Variants in IQCJ observed in about 807,000 individuals in gnomAD.
IQCJ encodes the protein IQ motif containing J, also known as IQ domain-containing protein J.
IQCJ carries 9 observed loss-of-function variants against 11.0 expected under a neutral mutation model. That is an observed-to-expected ratio of 0.82 (90% CI 0.49 to 1.43). The LOEUF (loss-of-function observed/expected upper bound fraction) is 1.43, where lower values mean the gene tolerates loss of function less well. IQCJ is among the 40% of genes most tolerant of loss of function. The pLI is 0.00. For synonymous variants in IQCJ, 55 were observed against 51.3 expected (o/e 1.07, Z -0.31); for missense variants, 146 against 133.2 (o/e 1.10, Z -0.47).
chr3:159,110,768 G>C (rs763589135), intron 1 of IQCJ, among the ~76,000 whole-genome samples: 21 of 152,116 alleles, frequency 1.4e-4, no homozygotes, highest in Admixed American at 1.3e-3. Flanking sequence ...TGGCATAAAC[G>C]GGCCCAAGGA....
At position 159,069,372 on chromosome 3, in the gene IQCJ, TAC is replaced by T; in HGVS notation, c.-59_-58del. ...CATTGCGCTCTGTGATTCTGAGGAA[TAC>T]AGTGTGCCAGCATCCGATCCAGTCT... On this transcript the variant is annotated 5_prime_UTR_variant, in exon 1 of 4. Transcript: ENST00000397832. 1 of 1,583,902 alleles carries T rather than the reference TAC, an allele frequency of 6.3e-7. No homozygotes were observed. Among genetic ancestry groups the T allele is most frequent in the Non-Finnish European group, 8.6e-7 (1 of 1,168,394 alleles).
chr3:159,106,487 T>G (rs1315454414), intron 1 of IQCJ, among the ~76,000 whole-genome samples: 1 of 151,224 alleles, frequency 6.6e-6, no homozygotes, highest in Non-Finnish European at 1.5e-5. Flanking sequence ...CAAGAGAGAT[T>G]GAAGGAATGG....
intron 1 of IQCJ, among the ~76,000 whole-genome samples, chr3:159,167,236 T>G (rs975191443): frequency 1.4e-4 from 22 of 152,358 alleles, no homozygotes; most frequent in African/African-American, 4.8e-4. Flanking sequence ...TTTTATAACA[T>G]GAGTTTTCAT....
intron 1 of IQCJ, among the ~76,000 whole-genome samples, chr3:159,196,786 C>T (rs892881142): frequency 6.6e-6 from 1 of 152,078 alleles, no homozygotes; most frequent in Non-Finnish European, 1.5e-5. Flanking sequence ...TGTAACTTAC[C>T]CAATGTCACA....
chr3:159,190,135 G>A (rs1332200206), intron 1 of IQCJ, among the ~76,000 whole-genome samples: 35 of 152,138 alleles, frequency 2.3e-4, no homozygotes, highest in Admixed American at 2.3e-3. Context: ...CTAAGTACCA[G>A]TTCCCTGTGT....
chr3:159,265,873 C>T (rs1371943723), downstream of IQCJ: 5 of 153,914 alleles, frequency 3.2e-5, no homozygotes, highest in Non-Finnish European at 7.2e-5. Flanking sequence ...CACAGGAAAT[C>T]AGCTCACTAA....
chr3:159,106,687 G>T (rs142796512), intron 1 of IQCJ, among the ~76,000 whole-genome samples: 1 of 152,004 alleles, frequency 6.6e-6, no homozygotes, highest in East Asian at 1.9e-4. Flanking sequence ...CACTATCTAC[G>T]TAGAGTTAGT....
intron 1 of IQCJ, among the ~76,000 whole-genome samples, chr3:159,229,664 T>C (rs956237166): frequency 2.1e-5 from 3 of 142,094 alleles, no homozygotes; most frequent in Non-Finnish European, 4.6e-5. Context: ...TTTCATGCTT[T>C]CTGTGTTGTG....
chr3:159,229,339 G>T (rs1227633129), intron 1 of IQCJ, among the ~76,000 whole-genome samples: 1 of 152,032 alleles, frequency 6.6e-6, no homozygotes, highest in African/African-American at 2.4e-5. Context: ...CCATTGTCAT[G>T]CATATAACAG....
At chr3:159,242,708 C>T (rs1258334639) in intron 1 of IQCJ, among the ~76,000 whole-genome samples, 2 of 151,798 alleles carry the variant, frequency 1.3e-5, no homozygotes, top group Non-Finnish European at 2.9e-5. Flanking sequence ...ATTGACCATA[C>T]ACCTGAATGT....
At chr3:159,202,117 A>G (rs1182803958) in intron 1 of IQCJ, among the ~76,000 whole-genome samples, 1 of 152,146 alleles carries the variant, frequency 6.6e-6, no homozygotes, top group Non-Finnish European at 1.5e-5. Context: ...ACTCATGTGT[A>G]CATGTATGTA....
intron 1 of IQCJ, among the ~76,000 whole-genome samples, chr3:159,143,389 A>G (rs961991408): frequency 3.3e-5 from 5 of 152,192 alleles, no homozygotes; most frequent in African/African-American, 1.2e-4. Flanking sequence ...ACTACCCTAG[A>G]AGAATCTTTT....
downstream of IQCJ, among the ~76,000 whole-genome samples, chr3:159,264,162 A>G (rs1728373380): frequency 6.6e-6 from 1 of 152,230 alleles, no homozygotes; most frequent in Non-Finnish European, 1.5e-5. Flanking sequence ...ACCTTCTCAC[A>G]GCCCCAATTC....
At chr3:159,090,740 C>G (rs1280901199) in intron 1 of IQCJ, among the ~76,000 whole-genome samples, 1 of 151,848 alleles carries the variant, frequency 6.6e-6, no homozygotes, top group East Asian at 1.9e-4. Flanking sequence ...CCAGGCCTCT[C>G]CCTTGAAAGG....
chr3:159,075,344 AT>A (rs1322539220), intron 1 of IQCJ, among the ~76,000 whole-genome samples: 3 of 152,070 alleles, frequency 2.0e-5, no homozygotes, highest in Admixed American at 2.0e-4. Context: ...TACAAAAAAA[AT>A]TTTTTTAAGA....
At chr3:159,264,599 T>C (rs559549957), downstream of IQCJ, among the ~76,000 whole-genome samples, 1 of 152,124 alleles carries the variant, frequency 6.6e-6, no homozygotes, top group Admixed American at 6.5e-5. Flanking sequence ...CTGTATTCAG[T>C]GAATGGCAGT....
chr3:159,249,171 C>T lies in IQCJ; in HGVS notation c.74+3264C>T, dbSNP rs146805642. 2.0e-3 allele frequency among the ~76,000 whole-genome samples: 298 copies of T among 152,100 alleles called. 2 individuals carry two copies. Among genetic ancestry groups the T allele is most frequent in the African/African-American group, 6.6e-3 (273 of 41,514 alleles). ...GCGCTCAACCCATTATTGATCTTAA[C>T]GTAGGAAATGAAGTTTTTTTTGTTC... On this transcript the variant is annotated intron_variant, in intron 2 of 3. Coordinates refer to ENST00000397832, the MANE Select transcript of IQCJ (RefSeq NM_001042706.3).
chr3:159,069,607 G>A lies in IQCJ; in HGVS notation c.9+166G>A, dbSNP rs750243999. ...TATTGGTCTAGGTGCGTGTGCATGT[G>A]TCCTTGTTAATGTAGGCATGTGTGC... On this transcript the variant is annotated intron_variant, in intron 1 of 3. Coordinates refer to ENST00000397832, the MANE Select transcript of IQCJ (RefSeq NM_001042706.3). The A allele has an allele frequency of 1.5e-4, 137 of 918,352 alleles. 1 individual carries two copies. Among genetic ancestry groups the A allele is most frequent in the Non-Finnish European group, 2.2e-4 (135 of 626,968 alleles). The allele number at this position is 918,352 out of a possible 1,614,324, so 56.9% of individuals were successfully genotyped here.
chr3:159,263,450 T>A lies in IQCJ; in HGVS notation c.*719T>A. ...GGAATCTGCTGGAAGTCTTTATTTT[T>A]AAAAAACACCAAAAGTGGGAAGAAA... On this transcript the variant is annotated 3_prime_UTR_variant, in exon 4 of 4. Coordinates refer to ENST00000397832, the MANE Select transcript of IQCJ (RefSeq NM_001042706.3). 1 of 984,664 alleles carries A rather than the reference T, an allele frequency of 1.0e-6. No individual in the cohort carries two copies. Among genetic ancestry groups the A allele is most frequent in the Non-Finnish European group, 1.2e-6 (1 of 829,262 alleles). 61.0% of individuals were successfully genotyped at this position (984,664 alleles called of 1,614,324 possible). A position where few individuals can be genotyped will look rare whatever the true frequency, so the allele number is the denominator to read the frequency against.
Sources: allele counts gnomAD v4.1 joint callset (sites outside exome capture counted in the v4.1 genomes callset), GRCh38; gene constraint gnomAD v4.1.1; transcripts MANE v1.5; gene names NCBI Gene and HGNC (gene_info 2026-07-23, HGNC 2026-07-21).